The following WDR7 variants were observed in gnomAD, a reference collection of about 807,000 sequenced individuals.
The protein encoded by WDR7 is WD repeat-containing protein 7.
Under a neutral mutation model 169.4 loss-of-function variants are expected in WDR7, and 46 were observed. The ratio of observed to expected loss-of-function variants is 0.27; its 90% CI spans 0.21 to 0.35. WDR7 has a LOEUF of 0.35. Ranked by LOEUF, WDR7 falls within the 10% of genes least tolerant of loss-of-function variation. WDR7 has a pLI of 1.00. For missense variants in WDR7, 1,534 were observed against 1,859.3 expected (o/e 0.83, Z 3.22); for synonymous variants, 612 against 666.8 (o/e 0.92, Z 1.27).
intron 20 of WDR7, among the ~76,000 whole-genome samples, chr18:56,823,841 C>A (rs1158749101): frequency 6.6e-6 from 1 of 152,110 alleles, no homozygotes; most frequent in Non-Finnish European, 1.5e-5. Context: ...CAGAGAATAC[C>A]TAGATCCAGC....
chr18:56,941,091 G>A (rs545526867), intron 25 of WDR7, among the ~76,000 whole-genome samples: 1 of 152,196 alleles, frequency 6.6e-6, no homozygotes, highest in East Asian at 1.9e-4. Flanking sequence ...TGTGTATCAA[G>A]TACTAGCCAG....
chr18:56,905,307 C>A (rs1015923978), intron 21 of WDR7, among the ~76,000 whole-genome samples: 36 of 152,234 alleles, frequency 2.4e-4, no homozygotes, highest in African/African-American at 7.9e-4. Context: ...CACCACCACA[C>A]CCAGCTAGTT....
intron 21 of WDR7, among the ~76,000 whole-genome samples, chr18:56,910,006 T>C (rs145623336): frequency 2.0e-3 from 297 of 152,254 alleles, no homozygotes; most frequent in African/African-American, 6.8e-3. Context: ...ATTGTTTCTC[T>C]CCCTTTAACA....
chr18:56,820,898 G>A (rs2045083573), intron 20 of WDR7, among the ~76,000 whole-genome samples: 1 of 152,038 alleles, frequency 6.6e-6, no homozygotes, highest in African/African-American at 2.4e-5. Flanking sequence ...TTACATGATT[G>A]ATACCTAGTG....
intron 25 of WDR7, among the ~76,000 whole-genome samples, chr18:56,947,442 C>T (rs914380107): frequency 2.6e-5 from 4 of 152,156 alleles, no homozygotes; most frequent in African/African-American, 9.7e-5. Flanking sequence ...ATAAATAATA[C>T]AGCATCCTCA....
In WDR7 at chr18:56,925,692, T is replaced by C. The variant is rs561049790; in HGVS notation, c.3713+1584T>C. Among the ~76,000 whole-genome samples, 8 of 152,262 alleles carry C rather than the reference T, an allele frequency of 5.3e-5. No homozygotes were observed. In the East Asian group the frequency reaches 1.2e-3, roughly 22 times the overall value. ...CAGGAAGTAGAGACCAGAGAAGCAA[T>C]TGAAGGCTAGAATGGAACTCTGTGG... On this transcript the variant is annotated intron_variant, in intron 22 of 27. Transcript: ENST00000254442.
chr18:57,013,466 G>A (rs1568313659), intron 26 of WDR7, among the ~76,000 whole-genome samples: 1 of 53,726 alleles, frequency 1.9e-5, no homozygotes, highest in African/African-American at 3.9e-5. Flanking sequence ...TCCACTTTTT[G>A]TTTTAAATTA....
intron 13 of WDR7, 39 bp downstream of exon 13, chr18:56,718,198 T>C (rs2026235351): frequency 7.0e-7 from 1 of 1,424,576 alleles, no homozygotes; most frequent in South Asian, 1.7e-5. Flanking sequence ...GAAAATTAAA[T>C]GGGTGTATTT....
chr18:56,952,817 T>C (rs770794488), intron 25 of WDR7, among the ~76,000 whole-genome samples: 33 of 152,200 alleles, frequency 2.2e-4, no homozygotes, highest in Non-Finnish European at 7.3e-5. Context: ...ACTAAATGCA[T>C]ATTACTAAAT....
At chr18:57,013,573 A>G (rs189623858) in intron 26 of WDR7, among the ~76,000 whole-genome samples, 1 of 152,362 alleles carries the variant, frequency 6.6e-6, no homozygotes, top group East Asian at 1.9e-4. Flanking sequence ...AAGTGTTGAG[A>G]ATTAGTAAAT....
intron 25 of WDR7, chr18:56,957,365 A>G (rs1380210765): frequency 6.6e-6 from 1 of 151,988 alleles, no homozygotes; most frequent in Admixed American, 6.6e-5. Flanking sequence ...GAGGCGCAGC[A>G]TCCTCCCCTG....
At chr18:57,025,831 G>C (rs1052722285) in intron 27 of WDR7, among the ~76,000 whole-genome samples, 1 of 152,204 alleles carries the variant, frequency 6.6e-6, no homozygotes, top group African/African-American at 2.4e-5. Flanking sequence ...ACATGCAGGG[G>C]ATGATGTCAG....
chr18:56,885,835 A>C (rs910806649), intron 21 of WDR7, among the ~76,000 whole-genome samples: 60 of 152,004 alleles, frequency 3.9e-4, no homozygotes, highest in Middle Eastern at 3.4e-3. Flanking sequence ...TCAAAAAAAA[A>C]AAAAAACAAA....
At chr18:56,799,747 C>T (rs2044642330) in intron 19 of WDR7, among the ~76,000 whole-genome samples, 1 of 152,080 alleles carries the variant, frequency 6.6e-6, no homozygotes, top group Non-Finnish European at 1.5e-5. Context: ...TGCTGTGAAA[C>T]ATTCTAACTG....
At chr18:56,793,852 G>T (rs77576583) in intron 19 of WDR7, among the ~76,000 whole-genome samples, 94 of 152,204 alleles carry the variant, frequency 6.2e-4, no homozygotes, top group Middle Eastern at 3.4e-3. Context: ...TATGTCAAAC[G>T]TCCTTAGTAG....
chr18:56,941,049 T>G (rs2047029924), intron 25 of WDR7, among the ~76,000 whole-genome samples: 1 of 152,206 alleles, frequency 6.6e-6, no homozygotes, highest in South Asian at 2.1e-4. Context: ...CTATTTTGTT[T>G]ATCAATTTAA....
At chr18:56,692,505 A>C (rs1296320325) in intron 9 of WDR7, among the ~76,000 whole-genome samples, 1 of 143,700 alleles carries the variant, frequency 7.0e-6, no homozygotes, top group African/African-American at 2.6e-5. Flanking sequence ...ATTACGTCTC[A>C]CGTTTATGTG....
At chr18:56,844,277 A>C (rs2045534356) in intron 20 of WDR7, among the ~76,000 whole-genome samples, 1 of 152,150 alleles carries the variant, frequency 6.6e-6, no homozygotes, top group African/African-American at 2.4e-5. Flanking sequence ...CTGAGGCAAA[A>C]GAACATTATA....
At chr18:56,785,421 CT>C (rs1195490483) in intron 19 of WDR7, among the ~76,000 whole-genome samples, 3 of 152,124 alleles carry the variant, frequency 2.0e-5, no homozygotes, top group Non-Finnish European at 4.4e-5. Flanking sequence ...CAGATATTTT[CT>C]TATAATTTAA....
Sources: gnomAD v4.1 joint callset for allele counts (sites outside exome capture counted in the v4.1 genomes callset) on GRCh38, gnomAD v4.1.1 for gene constraint, MANE v1.5 for transcripts, NCBI Gene and HGNC (gene_info 2026-07-23, HGNC 2026-07-21) for gene names.